EEF1A2: variants seen among roughly 807,000 people sequenced by gnomAD.
The protein encoded by EEF1A2 is eukaryotic translation elongation factor 1 alpha 2.
A neutral mutation model predicts 39.3 loss-of-function variants in EEF1A2; 5 were observed. The ratio of observed to expected loss-of-function variants is 0.13; its 90% CI spans 0.07 to 0.27. EEF1A2 has a LOEUF of 0.27. Among genes scored for constraint, EEF1A2 ranks in the 10% least tolerant of loss-of-function variants. The pLI, the probability that EEF1A2 is intolerant of heterozygous loss-of-function variation, is 1.00. For missense variants in EEF1A2, 218 were observed against 681.4 expected (o/e 0.32, Z 7.57); for synonymous variants, 287 against 293.7 (o/e 0.98, Z 0.23).
chr20:63,496,315 GAGCGA>G, intron 2 of EEF1A2: 1 of 487,440 alleles, frequency 2.1e-6, no homozygotes, highest in Non-Finnish European at 3.7e-6. Flanking sequence ...CTCGCTCTAC[GAGCGA>G]AGCCGCCAGA....
At chr20:63,496,543 C>CT (rs769258209) in intron 2 of EEF1A2, 30 of 154,988 alleles carry the variant, frequency 1.9e-4, no homozygotes, top group Non-Finnish European at 4.2e-4. Flanking sequence ...TCCCGCTGCT[C>CT]CAGCCTCCCC....
Position 63,489,793 on chromosome 20 carries a change from T to A in EEF1A2, c.1030-641A>T, listed in dbSNP as rs975562917. Among the ~76,000 whole-genome samples, 4 of 151,828 alleles carry A rather than the reference T, an allele frequency of 2.6e-5. No individual in the cohort carries two copies. In the East Asian group the frequency reaches 5.8e-4, roughly 22 times the overall value. ...GCGAGACTCCGTCTCAAAAAAAAAA[T>A]AAATAAATCATATGAAGAGGCCAGC... On this transcript the variant is annotated intron_variant, in intron 6 of 7. Transcript: ENST00000217182.
chr20:63,495,392 G>A lies in EEF1A2; in HGVS notation c.325-291C>T, dbSNP rs2750395. Among the ~76,000 whole-genome samples, 33,940 of 152,210 alleles carry A rather than the reference G, an allele frequency of 0.22. 4,745 individuals carry two copies. The highest frequency in any genetic ancestry group is 0.48 in the East Asian group (2,468 of 5,154). On this transcript the variant is annotated intron_variant, in intron 3 of 7. Transcript: ENST00000217182. ...CTGCTCCTGTTCCTCACTTGAGGAC[G>A]GATAGAAGTCACAGTTATCAAAGCA... is the stretch of plus-strand genomic sequence containing the variant.
chr20:63,497,578 G>T lies in EEF1A2; in HGVS notation c.144+42C>A, dbSNP rs2082424139. 2 of 1,586,574 alleles carry T rather than the reference G, an allele frequency of 1.3e-6. No individual in the cohort carries two copies. Among genetic ancestry groups the T allele is most frequent in the Non-Finnish European group, 1.7e-6 (2 of 1,164,108 alleles). The stretch of plus-strand genomic sequence containing the variant: ...AGCCTGGCCACCACGGGAGTTGGGG[G>T]TTCCTTCTCAGGGGGCCAAGACCAT... On this transcript the variant is annotated intron_variant, in intron 2 of 7. Transcript: ENST00000217182. This position sits in a 1 kb window ranked among gnomAD's most constrained non-coding sequence, Gnocchi z 7.3.
intron 7 of EEF1A2, among the ~76,000 whole-genome samples, chr20:63,488,665 G>A (rs1257127473): frequency 2.0e-5 from 3 of 152,254 alleles, no homozygotes; most frequent in Admixed American, 1.3e-4. Flanking sequence ...GCGACCGCGG[G>A]CCTTCCTCAC....
intron 3 of EEF1A2, 73 bp from the exon 4 acceptor site, chr20:63,495,174 C>T: frequency 6.4e-7 from 1 of 1,554,582 alleles, no homozygotes; most frequent in Non-Finnish European, 8.7e-7. Flanking sequence ...GGCCCCACCT[C>T]ACTTCCAGGC....
At chr20:63,494,402 A>G (rs2082406870) in intron 4 of EEF1A2, among the ~76,000 whole-genome samples, 1 of 152,190 alleles carries the variant, frequency 6.6e-6, no homozygotes, top group Non-Finnish European at 1.5e-5. Flanking sequence ...GGAGGCAGCC[A>G]AGGAGGCCCC....
At chr20:63,492,467 TGGAGA>T (rs1406407850) in intron 5 of EEF1A2, among the ~76,000 whole-genome samples, 40 of 139,024 alleles carry the variant, frequency 2.9e-4, no homozygotes, top group African/African-American at 1.3e-3. Context: ...GATGGATGGA[TGGAGA>T]GATGGATGGA....
intron 6 of EEF1A2, 103 bp from the exon 7 acceptor site, chr20:63,489,255 G>T: frequency 8.4e-7 from 1 of 1,194,246 alleles, no homozygotes; most frequent in South Asian, 1.5e-5. Context: ...CCCTGCACGG[G>T]CTCCTGGGCC....
At position 63,495,939 on chromosome 20, in the gene EEF1A2, C is replaced by T. The variant is rs1344302669; in HGVS notation, c.241G>A (p.Glu81Lys). 1 of 1,613,360 alleles carries T rather than the reference C, an allele frequency of 6.2e-7. No homozygotes were observed. The highest frequency in any genetic ancestry group is 8.5e-7 in the Non-Finnish European group (1 of 1,179,948). Reference protein sequence around the residue: ...ITIDISLWKFETTKYYITIID... With the variant: ...ITIDISLWKFKTTKYYITIID... ...ATGGTGATGTAGTACTTGGTGGTCT[C>T]GAACTTCCAGAGGGAGATGTCGATG... The change falls in exon 3 of 8, where the codon GAG (glutamate) becomes AAG (lysine). Residue 81 changes from glutamate to lysine, a missense_variant. By Grantham distance (56) the Glu-to-Lys change is moderately conservative. Around this residue, in one of 4 missense-constraint regions of EEF1A2, gnomAD observed 28 missense variants for 156.2 expected, o/e 0.18. Transcript: ENST00000217182.
chr20:63,493,918 C>T (rs1008100501), intron 4 of EEF1A2, among the ~76,000 whole-genome samples: 2 of 152,376 alleles, frequency 1.3e-5, no homozygotes, highest in African/African-American at 2.4e-5. Flanking sequence ...AGTGCAGGGT[C>T]CCTGATGGCT....
At position 63,493,283 on chromosome 20, in the gene EEF1A2, G is replaced by A. The variant is rs768753735; in HGVS notation, c.626C>T (p.Pro209Leu). Residue 209 changes from proline to leucine, a missense_variant, in exon 5 of 8, where the codon CCG (proline) becomes CTG (leucine). Pro to Leu is a moderately conservative substitution (Grantham distance 98, BLOSUM62 -3). Transcript: ENST00000217182. Reference sequence around the variant, plus strand: ...CTCCACCTTCCAGCCCTTGAACCACGGCATCTGGACCAAAGGGAGAAAATC... The same window carrying A: ...CTCCACCTTCCAGCCCTTGAACCACAGCATCTGGACCAAAGGGAGAAAATC... ...DNMLEPSPNM[P>L]WFKGWKVERK... 6.6e-6 allele frequency: 10 copies of A among 1,517,140 alleles called. No individual in the cohort carries two copies. Among genetic ancestry groups the A allele is most frequent in the South Asian group, 1.2e-5 (1 of 80,144 alleles). 94.0% of individuals were successfully genotyped at this position (1,517,140 alleles called of 1,614,324 possible).
At chr20:63,492,514 G>GA (rs2082391852) in intron 5 of EEF1A2, among the ~76,000 whole-genome samples, 1 of 151,638 alleles carries the variant, frequency 6.6e-6, no homozygotes, top group African/African-American at 2.4e-5. Context: ...GGATGGGTGG[G>GA]GAGGTGGATG....
At position 63,497,447 on chromosome 20, in the gene EEF1A2, A is replaced by C; in HGVS notation, c.144+173T>G. The C allele has an allele frequency of 1.0e-6, 1 of 1,000,866 alleles. No homozygotes were observed. Among genetic ancestry groups the C allele is most frequent in the South Asian group, 1.9e-5 (1 of 53,822 alleles). 62.0% of individuals were successfully genotyped at this position (1,000,866 alleles called of 1,614,324 possible). On this transcript the variant is annotated intron_variant, in intron 2 of 7. Transcript: ENST00000217182. The surrounding 1 kb of genome is among the most constrained non-coding windows in gnomAD (Gnocchi z 7.3). ...CCCCACCAAGCTCCCCCTAAGAGAG[A>C]GGCTGCCCCACCAGACCCTCTGAGG... is the stretch of plus-strand genomic sequence containing the variant.
At chr20:63,489,644 G>C (rs887158912) in intron 6 of EEF1A2, among the ~76,000 whole-genome samples, 1 of 152,154 alleles carries the variant, frequency 6.6e-6, no homozygotes, top group Non-Finnish European at 1.5e-5. Flanking sequence ...TTAGCCAGGC[G>C]TGGTGGCACA....
At chr20:63,488,732 C>T (rs1426904548) in intron 7 of EEF1A2, among the ~76,000 whole-genome samples, 186 bp downstream of exon 7, 2 of 152,218 alleles carry the variant, frequency 1.3e-5, no homozygotes, top group African/African-American at 2.4e-5. Flanking sequence ...CACCCCAGCT[C>T]GTCTGGGCAG....
chr20:63,494,175 A>C (rs1373478076), intron 4 of EEF1A2, among the ~76,000 whole-genome samples: 3 of 152,192 alleles, frequency 2.0e-5, no homozygotes, highest in Non-Finnish European at 4.4e-5. Flanking sequence ...AGTGGTGGCC[A>C]TTCTGGGGTC....
rs1218463776 is a variant in EEF1A2, at chr20:63,498,002, A to G, written c.-71-168T>C. 2.0e-6 allele frequency: 1 copy of G among 509,250 alleles called. No homozygotes were observed. The highest frequency in any genetic ancestry group is 1.9e-5 in the African/African-American group (1 of 51,486). 31.5% of individuals were successfully genotyped at this position (509,250 alleles called of 1,614,324 possible). On this transcript the variant is annotated intron_variant, in intron 1 of 7. Transcript: ENST00000217182. This position sits in a 1 kb window ranked among gnomAD's most constrained non-coding sequence, Gnocchi z 4.1. ...ACCCACAGCTGGGCCTGGCCAGGGC[A>G]AGCAGAGGCTGTGCACTGCCCCCAC...
chr20:63,493,298 G>C lies in EEF1A2; in HGVS notation c.622-11C>G. On this transcript the variant is annotated splice_polypyrimidine_tract_variant and intron_variant, in intron 4 of 7. Coordinates refer to ENST00000217182, the MANE Select transcript of EEF1A2 (RefSeq NM_001958.5). ...CTTGAACCACGGCATCTGGACCAAA[G>C]GGAGAAAATCAATCCGTTAAGAGAC... is the stretch of plus-strand genomic sequence containing the variant. 1 of 1,504,660 alleles carries C rather than the reference G, an allele frequency of 6.6e-7. No individual in the cohort carries two copies. Among genetic ancestry groups the C allele is most frequent in the Non-Finnish European group, 8.9e-7 (1 of 1,120,066 alleles). The allele number at this position is 1,504,660 out of a possible 1,614,324, so 93.2% of individuals were successfully genotyped here.
Sources: gnomAD v4.1 joint callset for allele counts (sites outside exome capture counted in the v4.1 genomes callset) on GRCh38, gnomAD v4.1.1 for gene constraint, gnomAD v4.1.1 regional missense constraint, Gnocchi (gnomAD v3.1) non-coding constraint, MANE v1.5 for transcripts, NCBI Gene and HGNC (gene_info 2026-07-23, HGNC 2026-07-21) for gene names.